The following ZBTB40 variants were observed in gnomAD, a reference collection of about 807,000 sequenced individuals.
ZBTB40 encodes zinc finger and BTB domain containing 40.
Under a neutral mutation model 117.5 loss-of-function variants are expected in ZBTB40, and 60 were observed. That is an observed-to-expected ratio of 0.51 (90% CI 0.41 to 0.63). ZBTB40 has a LOEUF of 0.63. ZBTB40 is among the 30% of genes least tolerant of loss of function. ZBTB40 has a pLI of 0.00. For missense variants in ZBTB40, 1,287 were observed against 1,498.5 expected, an observed-to-expected ratio of 0.86 and a Z score of 2.33; for synonymous variants, 525 against 577.1, an observed-to-expected ratio of 0.91 and a Z score of 1.29.
At chr1:22,498,275 C>T (rs1177017076) in intron 3 of ZBTB40, among the ~76,000 whole-genome samples, 2 of 152,174 alleles carry the variant, frequency 1.3e-5, no homozygotes, top group African/African-American at 4.8e-5. Context: ...TGTTTTGGTT[C>T]AGCTTTTGGA....
chr1:22,520,801 T>G (rs1294952499), intron 14 of ZBTB40, among the ~76,000 whole-genome samples: 1 of 152,208 alleles, frequency 6.6e-6, no homozygotes, highest in Non-Finnish European at 1.5e-5. Flanking sequence ...GAATGGTCCT[T>G]GTGGCATCTA....
At chr1:22,518,518 C>A (rs1157284204) in intron 13 of ZBTB40, among the ~76,000 whole-genome samples, 1 of 151,968 alleles carries the variant, frequency 6.6e-6, no homozygotes, top group African/African-American at 2.4e-5. Context: ...TTTTGCATGC[C>A]CTGCATCTCA....
intron 3 of ZBTB40, among the ~76,000 whole-genome samples, chr1:22,495,731 C>T (rs1368215690): frequency 2.0e-5 from 3 of 152,138 alleles, no homozygotes; most frequent in African/African-American, 4.8e-5. Context: ...AGGCTGGTCT[C>T]GAACTCCTGA....
At chr1:22,484,263 T>C (rs150053405) in intron 1 of ZBTB40, among the ~76,000 whole-genome samples, 321 of 152,338 alleles carry the variant, frequency 2.1e-3, no homozygotes, top group African/African-American at 7.3e-3. Flanking sequence ...TCTGAAAATA[T>C]TGAATATTTC....
intron 1 of ZBTB40, among the ~76,000 whole-genome samples, chr1:22,473,657 C>T (rs1392741592): frequency 6.6e-6 from 1 of 152,310 alleles, no homozygotes; most frequent in African/African-American, 2.4e-5. Flanking sequence ...GCGGATGGGG[C>T]AGTGGATGTG....
rs1639230280 is a variant in ZBTB40, at chr1:22,511,456, A to C, written c.2002+109A>C. On this transcript the variant is annotated intron_variant, in intron 10 of 17. Transcript: ENST00000375647. The stretch of plus-strand genomic sequence containing the variant: ...AGTTTATCACAACCTTAAGTTACGT[A>C]TTCATTTTATATGCTCTGAATACCT... The C allele has an allele frequency of 2.1e-6, 3 of 1,451,508 alleles. No homozygotes were observed. In the Admixed American group the frequency reaches 6.1e-5, roughly 29 times the overall value. 89.9% of individuals were successfully genotyped at this position (1,451,508 alleles called of 1,614,324 possible). A position where few individuals can be genotyped will look rare whatever the true frequency, so the allele number is the denominator to read the frequency against.
At chr1:22,454,019 G>A (rs766151902) in intron 1 of ZBTB40, among the ~76,000 whole-genome samples, 2 of 152,096 alleles carry the variant, frequency 1.3e-5, no homozygotes, top group Non-Finnish European at 2.9e-5. Flanking sequence ...GCACAATCTC[G>A]GCTCACTGCA....
At chr1:22,441,965 G>A (rs1640738220) in intron 1 of ZBTB40, among the ~76,000 whole-genome samples, 2 of 152,168 alleles carry the variant, frequency 1.3e-5, no homozygotes, top group South Asian at 4.1e-4. Context: ...GGTATATTGT[G>A]TTTTCATTTT....
chr1:22,501,809 T>G, intron 4 of ZBTB40, 125 bp downstream of exon 4: 1 of 1,103,330 alleles, frequency 9.1e-7, no homozygotes, highest in South Asian at 1.3e-5. Flanking sequence ...AAGTTTCACA[T>G]GTAAATTCCA....
chr1:22,471,668 A>G (rs920704082), intron 1 of ZBTB40, among the ~76,000 whole-genome samples: 3 of 152,238 alleles, frequency 2.0e-5, no homozygotes, highest in Non-Finnish European at 4.4e-5. Flanking sequence ...AAAAGGGCAG[A>G]GACCAGTGGA....
chr1:22,509,808 G>T (rs1312122926), intron 9 of ZBTB40, among the ~76,000 whole-genome samples: 2 of 152,218 alleles, frequency 1.3e-5, no homozygotes, highest in African/African-American at 4.8e-5. Flanking sequence ...CTCTGGCAGG[G>T]AGGAGATGAT....
intron 1 of ZBTB40, among the ~76,000 whole-genome samples, chr1:22,438,133 A>G (rs1252994567): frequency 1.3e-5 from 2 of 152,110 alleles, no homozygotes; most frequent in Admixed American, 6.6e-5. Flanking sequence ...TCCATCTCGA[A>G]AAAAACAAAA....
At chr1:22,462,137 C>G (rs1011167398) in intron 1 of ZBTB40, among the ~76,000 whole-genome samples, 4 of 152,180 alleles carry the variant, frequency 2.6e-5, no homozygotes, top group African/African-American at 7.2e-5. Flanking sequence ...CTTGTAATGC[C>G]TCTGAACAGG....
chr1:22,483,974 C>T (rs1464235945), intron 1 of ZBTB40, among the ~76,000 whole-genome samples: 2 of 152,024 alleles, frequency 1.3e-5, no homozygotes, highest in African/African-American at 4.8e-5. Context: ...TGTGAATGTC[C>T]AGTTGGTTCC....
upstream of ZBTB40, chr1:22,451,830 T>G (rs1004652257): frequency 5.3e-5 from 8 of 152,114 alleles, no homozygotes; most frequent in Non-Finnish European, 1.0e-4. Flanking sequence ...GTGGGGCAGG[T>G]CGGGCCGCCC....
intron 1 of ZBTB40, among the ~76,000 whole-genome samples, chr1:22,439,332 T>G (rs1640706648): frequency 6.6e-6 from 1 of 152,218 alleles, no homozygotes; most frequent in South Asian, 2.1e-4. Context: ...ATGCACAAAA[T>G]TTTTAATATT....
In ZBTB40 at chr1:22,513,564, GGT is replaced by G. The variant is rs1639298461; in HGVS notation, c.2668+436_2668+437del. 6.6e-6 allele frequency among the ~76,000 whole-genome samples: 1 copy of G among 152,148 alleles called. No homozygotes were observed. Among genetic ancestry groups the G allele is most frequent in the Admixed American group, 6.5e-5 (1 of 15,284 alleles). On this transcript the variant is annotated intron_variant, in intron 12 of 17. Coordinates refer to ENST00000375647, the MANE Select transcript of ZBTB40 (RefSeq NM_014870.4). This position sits in a 1 kb window ranked among gnomAD's most constrained non-coding sequence, Gnocchi z 4.9. The stretch of plus-strand genomic sequence containing the variant: ...AAAATACAAAAAATTAGCCAGGCGT[GGT>G]GGCGGGCACCTGGAGTCTCAGCTAC...
chr1:22,432,373 A>G (rs527874285), intron 1 of ZBTB40, among the ~76,000 whole-genome samples: 52 of 152,330 alleles, frequency 3.4e-4, no homozygotes, highest in African/African-American at 1.3e-3. Context: ...TTCCTTGGGT[A>G]CACTCAGCCT....
chr1:22,495,515 T>C (rs1638749895), intron 3 of ZBTB40, among the ~76,000 whole-genome samples: 1 of 152,060 alleles, frequency 6.6e-6, no homozygotes, highest in African/African-American at 2.4e-5. Flanking sequence ...TTGTTTTGTT[T>C]TGTTTTGTTT....
Sources: gnomAD v4.1 joint callset for allele counts (sites outside exome capture counted in the v4.1 genomes callset) on GRCh38, gnomAD v4.1.1 for gene constraint, Gnocchi (gnomAD v3.1) non-coding constraint, MANE v1.5 for transcripts, NCBI Gene and HGNC (gene_info 2026-07-23, HGNC 2026-07-21) for gene names.